ACAN: variants seen among roughly 807,000 people sequenced by gnomAD.
ACAN encodes aggrecan core protein.
A neutral mutation model predicts 169.1 loss-of-function variants in ACAN; 47 were observed. The observed-to-expected ratio is 0.28, with a 90% CI of 0.22 to 0.35. The LOEUF (loss-of-function observed/expected upper bound fraction) is 0.35. Among genes scored for constraint, ACAN ranks in the 10% least tolerant of loss-of-function variants. ACAN has a pLI of 1.00. For missense variants in ACAN, 2,716 were observed against 2,759.9 expected (o/e 0.98, Z 0.36); for synonymous variants, 1,115 against 1,112.2 (o/e 1.00, Z -0.05).
chr15:88,857,044 A>G lies in ACAN; in HGVS notation c.4459A>G (p.Ile1487Val), dbSNP rs200795001. Residue 1487 changes from isoleucine (I) to valine (V), a missense_variant, in exon 12 of 19, where the codon ATC becomes GTC. Physicochemically the swap from Ile to Val is conservative, Grantham distance 29. Around this residue, in one of 3 missense-constraint regions of ACAN, gnomAD observed 1,389 missense variants for 1,363.7 expected, o/e 1.02. Coordinates refer to ENST00000560601, the MANE Select transcript of ACAN (RefSeq NM_001369268.1). ...LEISVSGVEDISGLPSGEVVE... is the reference protein window; with the variant it reads ...LEISVSGVEDVSGLPSGEVVE... ...GATTTCTGTCTCTGGAGTAGAGGAC[A>G]TCAGTGGGCTTCCTTCTGGAGAGGT... 6.2e-7 allele frequency: 1 copy of G among 1,613,082 alleles called. No individual in the cohort carries two copies. Among genetic ancestry groups the G allele is most frequent in the Non-Finnish European group, 8.5e-7 (1 of 1,179,438 alleles).
rs11073813 is a variant in ACAN at position 88,814,215 on chromosome 15, A to G, written c.-8+10406A>G. On this transcript the variant is annotated intron_variant, in intron 1 of 18. Coordinates refer to ENST00000560601, the MANE Select transcript of ACAN (RefSeq NM_001369268.1). This position sits in a 1 kb window ranked among gnomAD's most constrained non-coding sequence, Gnocchi z 4.0. ...TTGGGTATAATGACTCCTTCCCGATAGATTTGTTGGGAGGGTAAAATGAGA... is the reference window on the plus strand; with the variant it reads ...TTGGGTATAATGACTCCTTCCCGATGGATTTGTTGGGAGGGTAAAATGAGA... Among the ~76,000 whole-genome samples the G allele has an allele frequency of 0.3, 45,279 of 152,064 alleles. 8,198 individuals carry two copies. The highest frequency in any genetic ancestry group is 0.57 in the East Asian group (2,959 of 5,174).
rs1897100428 is a variant in ACAN, at chr15:88,858,030, G to A, written c.5445G>A (p.Leu1815=). ...GGGCAACATCAGGAGTCCCTGACCT[G>A]GTTTCTGGTACCACGAGTGGCAGCG... is the stretch of plus-strand genomic sequence containing the variant. ...FSGATSGVPD[L]VSGTTSGSGE... Residue 1815 remains leucine, a synonymous_variant, in exon 12 of 19, where the codon CTG becomes CTA. Transcript: ENST00000560601. This position sits in a 1 kb window ranked among gnomAD's most constrained non-coding sequence, Gnocchi z 4.0. The A allele has an allele frequency of 6.2e-7, 1 of 1,613,868 alleles. No homozygotes were observed. Among genetic ancestry groups the A allele is most frequent in the Non-Finnish European group, 8.5e-7 (1 of 1,179,910 alleles).
chr15:88,810,848 T>C (rs1178171637), intron 1 of ACAN, among the ~76,000 whole-genome samples: 1 of 152,166 alleles, frequency 6.6e-6, no homozygotes, highest in East Asian at 1.9e-4. Context: ...GGTGATTCCA[T>C]TGTGGTCTAG....
At position 88,841,829 on chromosome 15, in the gene ACAN, A is replaced by G; in HGVS notation, c.719A>G (p.Glu240Gly). 6.2e-7 allele frequency: 1 copy of G among 1,612,532 alleles called. No individual in the cohort carries two copies. Among genetic ancestry groups the G allele is most frequent in the Non-Finnish European group, 8.5e-7 (1 of 1,179,470 alleles). Residue 240 changes from glutamate to glycine, a missense_variant, in exon 5 of 19, where the codon GAG becomes GGG. Glu to Gly is a moderately conservative substitution (Grantham distance 98, BLOSUM62 -2). Around this residue, in one of 3 missense-constraint regions of ACAN, gnomAD observed 1,283 missense variants for 1,281.5 expected, o/e 1.00. Transcript: ENST00000560601. ...ACGTATGGCATCCGAGACACCAACGAGACCTATGATGTGTACTGCTTCGCC... is the reference window on the plus strand; with the variant it reads ...ACGTATGGCATCCGAGACACCAACGGGACCTATGATGTGTACTGCTTCGCC... Reference protein sequence around the residue: ...VRTYGIRDTNETYDVYCFAEE... With the variant: ...VRTYGIRDTNGTYDVYCFAEE...
At position 88,866,328 on chromosome 15, in the gene ACAN, C is replaced by T. The variant is rs570516109; in HGVS notation, c.6947-1888C>T. On this transcript the variant is annotated intron_variant, in intron 13 of 18. Transcript: ENST00000560601. The surrounding 1 kb of genome is among the most constrained non-coding windows in gnomAD (Gnocchi z 5.6). The stretch of plus-strand genomic sequence containing the variant: ...CTTTAGCACCTACATTTGCTTAATT[C>T]CCCTTGCCCAGTGCTTCCCATCTCC... Among the ~76,000 whole-genome samples the T allele has an allele frequency of 2.0e-5, 3 of 152,170 alleles. No homozygotes were observed. Among genetic ancestry groups the T allele is most frequent in the Non-Finnish European group, 4.4e-5 (3 of 68,032 alleles).
chr15:88,806,936 CT>C (rs2141481728), intron 1 of ACAN, among the ~76,000 whole-genome samples: 1 of 152,078 alleles, frequency 6.6e-6, no homozygotes, highest in South Asian at 2.1e-4. Context: ...ACTTTTGTTT[CT>C]GTTATTTATT....
chr15:88,822,713 C>T (rs1173537382), intron 1 of ACAN, among the ~76,000 whole-genome samples: 1 of 152,144 alleles, frequency 6.6e-6, no homozygotes, highest in Non-Finnish European at 1.5e-5. Flanking sequence ...GGATTACAGG[C>T]GTGAGCCACC....
intron 7 of ACAN, among the ~76,000 whole-genome samples, chr15:88,846,361 T>C (rs1008963899): frequency 1.3e-5 from 2 of 152,228 alleles, no homozygotes; most frequent in Non-Finnish European, 2.9e-5. Context: ...GCCCATGACT[T>C]AAGAATGATT....
intron 6 of ACAN, among the ~76,000 whole-genome samples, chr15:88,845,224 G>C (rs1194219847): frequency 6.6e-6 from 1 of 152,228 alleles, no homozygotes; most frequent in African/African-American, 2.4e-5. Context: ...AGGGCTGTTG[G>C]GGTGGGAACT....
Position 88,838,073 on chromosome 15 carries a change from CA to C in ACAN, c.71-586del. ...CTCCTGCATCTGACTGTTTGCACAC[CA>C]AAAGGTCTGATCTTCTCGGATGCTT... On this transcript the variant is annotated intron_variant, in intron 2 of 18. Coordinates refer to ENST00000560601, the MANE Select transcript of ACAN (RefSeq NM_001369268.1). The surrounding 1 kb of genome is among the most constrained non-coding windows in gnomAD (Gnocchi z 5.1). Among the ~76,000 whole-genome samples the C allele has an allele frequency of 6.6e-6, 1 of 152,032 alleles. No homozygotes were observed. Among genetic ancestry groups the C allele is most frequent in the South Asian group, 2.1e-4 (1 of 4,792 alleles).
In ACAN at chr15:88,871,580, G is replaced by A. The variant is rs1485581603; in HGVS notation, c.7219+40G>A. ...GCCTCTGGAGCCTGAGAGGAGAGTG[G>A]CGGTGTAGGCAAAGGGCCTCACCTT... On this transcript the variant is annotated intron_variant, in intron 15 of 18. Coordinates refer to ENST00000560601, the MANE Select transcript of ACAN (RefSeq NM_001369268.1). The surrounding 1 kb of genome is among the most constrained non-coding windows in gnomAD (Gnocchi z 7.8). 1.3e-6 allele frequency: 2 copies of A among 1,575,846 alleles called. No individual in the cohort carries two copies. The highest frequency in any genetic ancestry group is 1.7e-6 in the Non-Finnish European group (2 of 1,161,396).
At chr15:88,808,707 AC>A (rs948811820) in intron 1 of ACAN, among the ~76,000 whole-genome samples, 15 of 152,300 alleles carry the variant, frequency 9.8e-5, no homozygotes, top group African/African-American at 3.4e-4. Flanking sequence ...GCCCCCGCCC[AC>A]ATACATGCAC....
At position 88,838,755 on chromosome 15, in the gene ACAN, G is replaced by T. The variant is rs763861381; in HGVS notation, c.163G>T (p.Asp55Tyr). Residue 55 changes from aspartate to tyrosine, a missense_variant, in exon 3 of 19, where the codon GAC becomes TAC. By Grantham distance (160) the Asp-to-Tyr change is radical. Transcript: ENST00000560601. The surrounding 1 kb of genome is among the most constrained non-coding windows in gnomAD (Gnocchi z 5.1). ...CCTCACCATCCCCTGCTATTTCATCGACCCCATGCACCCTGTGACCACCGC... is the reference window on the plus strand; with the variant it reads ...CCTCACCATCCCCTGCTATTTCATCTACCCCATGCACCCTGTGACCACCGC... ...TSLTIPCYFIDPMHPVTTAPS... is the reference protein window; with the variant it reads ...TSLTIPCYFIYPMHPVTTAPS... 1 of 1,613,244 alleles carries T rather than the reference G, an allele frequency of 6.2e-7. No individual in the cohort carries two copies. Among genetic ancestry groups the T allele is most frequent in the Non-Finnish European group, 8.5e-7 (1 of 1,179,392 alleles).
intron 2 of ACAN, among the ~76,000 whole-genome samples, chr15:88,837,766 C>T (rs1277228167): frequency 6.6e-6 from 1 of 152,166 alleles, no homozygotes; most frequent in Non-Finnish European, 1.5e-5. Context: ...TTCCTCGCTC[C>T]CCTCCCCTTG....
intron 4 of ACAN, among the ~76,000 whole-genome samples, chr15:88,840,429 T>C (rs1017755058): frequency 2.0e-5 from 3 of 152,234 alleles, no homozygotes; most frequent in Non-Finnish European, 1.5e-5. Context: ...TTGCCCTACA[T>C]GTCATTATTT....
rs1895902900 is a variant in ACAN, at chr15:88,814,951, C to T, written c.-8+11142C>T. Among the ~76,000 whole-genome samples the T allele has an allele frequency of 6.6e-6, 1 of 151,618 alleles. No homozygotes were observed. Among genetic ancestry groups the T allele is most frequent in the Admixed American group, 6.6e-5 (1 of 15,226 alleles). On this transcript the variant is annotated intron_variant, in intron 1 of 18. Transcript: ENST00000560601. The surrounding 1 kb of genome is among the most constrained non-coding windows in gnomAD (Gnocchi z 4.0). ...TACCAGAAGAACCTTTGGTGGTTCT[C>T]AGCCAGTTAAGGTGGCTGAACAGAC...
chr15:88,834,936 C>T (rs1226601446), intron 1 of ACAN, among the ~76,000 whole-genome samples: 2 of 152,178 alleles, frequency 1.3e-5, no homozygotes, highest in Non-Finnish European at 2.9e-5. Flanking sequence ...CTTGGGTCCA[C>T]CTATGCTGGA....
chr15:88,866,464 G>T lies in ACAN; in HGVS notation c.6947-1752G>T, dbSNP rs554049348. 1.3e-5 allele frequency among the ~76,000 whole-genome samples: 2 copies of T among 152,280 alleles called. No homozygotes were observed. The highest frequency in any genetic ancestry group is 1.3e-4 in the Admixed American group (2 of 15,300). On this transcript the variant is annotated intron_variant, in intron 13 of 18. Coordinates refer to ENST00000560601, the MANE Select transcript of ACAN (RefSeq NM_001369268.1). This position sits in a 1 kb window ranked among gnomAD's most constrained non-coding sequence, Gnocchi z 5.6. ...TACTGCTGCTGCTGGGAATCCTGGG[G>T]CATGCTGGGAATCCAAGTGCATGCT...
At chr15:88,865,384 C>T (rs1160906972) in intron 13 of ACAN, among the ~76,000 whole-genome samples, 2 of 152,342 alleles carry the variant, frequency 1.3e-5, no homozygotes, top group African/African-American at 2.4e-5. Flanking sequence ...GTCTCCCCAA[C>T]ACCCAGGTTG....
Sources: allele counts gnomAD v4.1 joint callset (sites outside exome capture counted in the v4.1 genomes callset), GRCh38; gene constraint gnomAD v4.1.1; regional missense constraint gnomAD v4.1.1; non-coding constraint Gnocchi (gnomAD v3.1); transcripts MANE v1.5; gene names NCBI Gene and HGNC (gene_info 2026-07-23, HGNC 2026-07-21).